The following NDUFS2 variants were observed in gnomAD, a reference collection of about 807,000 sequenced individuals.
The protein encoded by NDUFS2 is NADH:ubiquinone oxidoreductase core subunit S2, also known as NADH dehydrogenase [ubiquinone] iron-sulfur protein 2, mitochondrial.
In NDUFS2, 38 loss-of-function variants were observed where a neutral mutation model predicts 69.6. That is an observed-to-expected ratio of 0.55 (90% CI 0.42 to 0.72). The LOEUF (loss-of-function observed/expected upper bound fraction) is 0.72. Among genes scored for constraint, NDUFS2 ranks in the 30% least tolerant of loss-of-function variants. The probability of loss-of-function intolerance (pLI) is 0.00; values close to 1 mark genes in which losing one functional copy is unlikely to be tolerated. For synonymous variants in NDUFS2, 194 were observed against 211.2 expected, an observed-to-expected ratio of 0.92 and a Z score of 0.70; for missense variants, 468 against 595.0, an observed-to-expected ratio of 0.79 and a Z score of 2.22.
chr1:161,209,968 A>G (rs1360678689), intron 6 of NDUFS2, 37 bp downstream of exon 6: 1 of 1,612,698 alleles, frequency 6.2e-7, no homozygotes, highest in African/African-American at 1.3e-5. Context: ...TGTCCAGCCC[A>G]GGCCTATTTT....
intron 2 of NDUFS2, among the ~76,000 whole-genome samples, chr1:161,205,655 C>T (rs1218300926): frequency 1.3e-5 from 2 of 151,922 alleles, no homozygotes; most frequent in Non-Finnish European, 2.9e-5. Flanking sequence ...GTAGTCCCAG[C>T]TACTCTGGAG....
intron 1 of NDUFS2, 119 bp from the exon 2 acceptor site, chr1:161,203,318 A>G: frequency 1.1e-6 from 1 of 870,894 alleles, no homozygotes; most frequent in Non-Finnish European, 1.9e-6. Context: ...AAAAAAACAA[A>G]AAACAAAACA....
chr1:161,208,399 C>A (rs188222690), intron 3 of NDUFS2, among the ~76,000 whole-genome samples: 237 of 152,194 alleles, frequency 1.6e-3, no homozygotes, highest in Non-Finnish European at 2.5e-3. Context: ...TTCCTGGGTT[C>A]AAGTGATTTT....
At chr1:161,213,971 A>T (rs889275091) in intron 13 of NDUFS2, 50 bp downstream of exon 13, 1 of 1,614,028 alleles carries the variant, frequency 6.2e-7, no homozygotes, top group Non-Finnish European at 8.5e-7. Context: ...GGAGTTCGGG[A>T]CGCCCACTGG....
intron 3 of NDUFS2, among the ~76,000 whole-genome samples, chr1:161,207,292 T>C (rs1464238737): frequency 6.6e-6 from 1 of 152,246 alleles, no homozygotes; most frequent in Non-Finnish European, 1.5e-5. Flanking sequence ...GGTTAACCCC[T>C]GTAGCATTAG....
chr1:161,207,937 G>A (rs1299016217), intron 3 of NDUFS2, among the ~76,000 whole-genome samples: 16 of 143,196 alleles, frequency 1.1e-4, no homozygotes, highest in Non-Finnish European at 2.1e-4. Context: ...AGCCCCCAGA[G>A]TAGCCAGGAT....
At chr1:161,201,578 G>A (rs965244425), upstream of NDUFS2, among the ~76,000 whole-genome samples, 2 of 152,222 alleles carry the variant, frequency 1.3e-5, no homozygotes, top group African/African-American at 4.8e-5. Context: ...GAGGGCTATA[G>A]CAGGGTCAGA....
At chr1:161,213,601 A>G (rs947951786) in intron 11 of NDUFS2, 48 bp from the exon 12 acceptor site, 14 of 1,598,820 alleles carry the variant, frequency 8.8e-6, no homozygotes, top group South Asian at 7.7e-5. Flanking sequence ...TGGCAGAGAA[A>G]AATACTCTTC....
intron 8 of NDUFS2, 30 bp from the exon 9 acceptor site, chr1:161,210,561 T>G (rs1253830392): frequency 1.2e-6 from 2 of 1,613,830 alleles, no homozygotes; most frequent in Non-Finnish European, 1.7e-6. Flanking sequence ...TTGTGGAGAG[T>G]GGCCCTTATT....
In NDUFS2 at chr1:161,214,016, C is replaced by T. The variant is rs1030602473; in HGVS notation, c.1354+95C>T. ...GAGAACACTTCCTGTTCACCATAGG[C>T]CATGGCATGGACTCGGGTCCTCAAT... On this transcript the variant is annotated intron_variant, in intron 13 of 13. Coordinates refer to ENST00000676972, the MANE Select transcript of NDUFS2 (RefSeq NM_001377299.1). 3.1e-6 allele frequency: 5 copies of T among 1,613,538 alleles called. No individual in the cohort carries two copies. In the South Asian group the frequency reaches 4.4e-5, roughly 14 times the overall value.
At position 161,202,415 on chromosome 1, in the gene NDUFS2, C is replaced by T; in HGVS notation, c.30C>T (p.Phe10=). The T allele has an allele frequency of 6.2e-7, 1 of 1,612,836 alleles. No homozygotes were observed. Among genetic ancestry groups the T allele is most frequent in the African/African-American group, 1.3e-5 (1 of 75,024 alleles). The stretch of plus-strand genomic sequence containing the variant: ...CGGCGCTGAGGGCTTTGTGCGGCTT[C>T]CGGGGCGTCGCGGCCCAGGTGCTGC... MAALRALCG[F]RGVAAQVLRP... The change falls in exon 1 of 14, where the codon TTC becomes TTT. Residue 10 remains phenylalanine, a synonymous_variant. Coordinates refer to ENST00000676972, the MANE Select transcript of NDUFS2 (RefSeq NM_001377299.1).
chr1:161,213,984 A>T (rs1445779740), intron 13 of NDUFS2, 63 bp downstream of exon 13: 1 of 1,613,922 alleles, frequency 6.2e-7, no homozygotes, highest in East Asian at 2.2e-5. Flanking sequence ...CCCACTGGGG[A>T]CAGAAGGAGA....
At chr1:161,208,459 C>T (rs533030693) in intron 3 of NDUFS2, among the ~76,000 whole-genome samples, 3 of 152,234 alleles carry the variant, frequency 2.0e-5, no homozygotes, top group African/African-American at 4.8e-5. Context: ...CACCACCACG[C>T]CCTGCTAATT....
rs891603427 is a variant in NDUFS2 at position 161,209,320 on chromosome 1, C to T, written c.514+7C>T. 1 of 1,613,874 alleles carries T rather than the reference C, an allele frequency of 6.2e-7. No homozygotes were observed. Among genetic ancestry groups the T allele is most frequent in the East Asian group, 2.2e-5 (1 of 44,882 alleles). On this transcript the variant is annotated splice_region_variant and intron_variant, in intron 4 of 13. Transcript: ENST00000676972. ...CGGGCACAGTGGATCCGAGGTATGT[C>T]CCCCCAACTTTTTCTGTGGCCCACT... is the stretch of plus-strand genomic sequence containing the variant.
chr1:161,201,218 A>G (rs1665102485), upstream of NDUFS2, among the ~76,000 whole-genome samples: 1 of 152,208 alleles, frequency 6.6e-6, no homozygotes, highest in African/African-American at 2.4e-5. Context: ...CCTTTGGTAC[A>G]GTTCCCATTA....
At chr1:161,209,339 G>T in intron 4 of NDUFS2, 26 bp downstream of exon 4, 3 of 1,614,092 alleles carry the variant, frequency 1.9e-6, no homozygotes, top group African/African-American at 1.3e-5. Flanking sequence ...TTTTTCTGTG[G>T]CCCACTGTGA....
chr1:161,207,221 A>C (rs1242065540), intron 3 of NDUFS2, among the ~76,000 whole-genome samples: 1 of 152,206 alleles, frequency 6.6e-6, no homozygotes, highest in Non-Finnish European at 1.5e-5. Flanking sequence ...GTGAACAGTG[A>C]CTAGAATGTG....
At chr1:161,198,256 A>T (rs776460703), upstream of NDUFS2, 2 of 1,614,026 alleles carry the variant, frequency 1.2e-6, no homozygotes, top group Non-Finnish European at 1.7e-6. The surrounding 1 kb of genome is among the most constrained non-coding windows in gnomAD (Gnocchi z 4.7). Context: ...GGTAGGTGCC[A>T]GGCTCTGCTC....
rs1379826773 is a variant in NDUFS2 at position 161,210,249 on chromosome 1, G to C, written c.781-55G>C. On this transcript the variant is annotated intron_variant, in intron 7 of 13. Coordinates refer to ENST00000676972, the MANE Select transcript of NDUFS2 (RefSeq NM_001377299.1). Reference sequence around the variant, plus strand: ...ACAAGAAGGGCTAGAGAAATACAGAGATATTTGAAGAGTGTGAGGAAGAGT... The same window carrying C: ...ACAAGAAGGGCTAGAGAAATACAGACATATTTGAAGAGTGTGAGGAAGAGT... 1.2e-5 allele frequency: 19 copies of C among 1,609,422 alleles called. No homozygotes were observed. The South Asian group carries it at 2.0e-4, about 17-fold the overall frequency.
Sources: gnomAD v4.1 joint callset for allele counts (sites outside exome capture counted in the v4.1 genomes callset) on GRCh38, gnomAD v4.1.1 for gene constraint, Gnocchi (gnomAD v3.1) non-coding constraint, MANE v1.5 for transcripts, NCBI Gene and HGNC (gene_info 2026-07-23, HGNC 2026-07-21) for gene names.